RFFL: variants seen among roughly 807,000 people sequenced by gnomAD.
RFFL encodes E3 ubiquitin-protein ligase rififylin.
Under a neutral mutation model 40.4 loss-of-function variants are expected in RFFL, and 16 were observed. The observed-to-expected ratio is 0.40, with a 90% CI of 0.27 to 0.60. The LOEUF (loss-of-function observed/expected upper bound fraction) is 0.60, where lower values mean the gene tolerates loss of function less well. RFFL is among the 20% of genes least tolerant of loss of function. The pLI, the probability that RFFL is intolerant of heterozygous loss-of-function variation, is 0.47. For missense variants in RFFL, 367 were observed against 451.7 expected (o/e 0.81, Z 1.70); for synonymous variants, 154 against 167.9 (o/e 0.92, Z 0.64).
intron 1 of RFFL, among the ~76,000 whole-genome samples, chr17:35,040,634 A>C (rs1035162327): frequency 2.0e-5 from 3 of 151,698 alleles, no homozygotes; most frequent in Non-Finnish European, 4.4e-5. Context: ...AAAATAAAAA[A>C]TACTTTTCTT....
At chr17:35,019,943 CAG>C (rs1337037237) in intron 3 of RFFL, among the ~76,000 whole-genome samples, 1 of 152,200 alleles carries the variant, frequency 6.6e-6, no homozygotes, top group South Asian at 2.1e-4. Flanking sequence ...AGAGCTGAAT[CAG>C]GGGGCCCAGT....
chr17:35,069,388 C>T, intron 1 of RFFL: 1 of 455,348 alleles, frequency 2.2e-6, no homozygotes, highest in East Asian at 7.0e-5. Flanking sequence ...TACCTGTTCA[C>T]CTACAGTTAA....
intron 1 of RFFL, among the ~76,000 whole-genome samples, chr17:35,040,266 T>A (rs2091155039): frequency 1.3e-5 from 2 of 152,270 alleles, no homozygotes; most frequent in South Asian, 4.2e-4. Flanking sequence ...GTGTCCAGGC[T>A]GTCTTAGGCC....
intron 1 of RFFL, among the ~76,000 whole-genome samples, chr17:35,075,983 ATTC>A (rs1305009235): frequency 4.5e-4 from 56 of 124,726 alleles, no homozygotes; most frequent in African/African-American, 1.8e-3. Context: ...CTATCAATTT[ATTC>A]TTTTTTTTTT....
rs117478856 is a variant in RFFL, at chr17:35,026,419, T to C, written c.135A>G (p.Pro45=). The part of the protein sequence containing the change: ...SSFPSPTGLE[P]SCKSCGAHFA... ...AGTGAGCCCCACAGGACTTGCAGCT[T>C]GGTTCCAAGCCTGTTGGGGAAGGGA... The change falls in exon 2 of 7, where the codon CCA becomes CCG. Residue 45 remains proline, a synonymous_variant. Coordinates refer to ENST00000394597, the MANE Select transcript of RFFL (RefSeq NM_001017368.2). The C allele has an allele frequency of 6.6e-5, 106 of 1,613,962 alleles. 1 individual carries two copies. In the East Asian group the frequency reaches 1.2e-3, roughly 19 times the overall value.
intron 2 of RFFL, among the ~76,000 whole-genome samples, chr17:35,022,390 G>C (rs1009926469): frequency 5.3e-5 from 8 of 152,192 alleles, no homozygotes; most frequent in Non-Finnish European, 1.2e-4. Flanking sequence ...AGGTTATGGT[G>C]GTGGTGGTTG....
intron 2 of RFFL, 144 bp from the exon 3 acceptor site, chr17:35,021,925 G>T: frequency 2.6e-6 from 2 of 777,824 alleles, no homozygotes; most frequent in South Asian, 1.8e-5. Context: ...ATATCTAAGG[G>T]TGCAAGCCAC....
chr17:35,067,768 T>C (rs1318725473), upstream of RFFL, among the ~76,000 whole-genome samples: 1 of 152,188 alleles, frequency 6.6e-6, no homozygotes, highest in Non-Finnish European at 1.5e-5. Context: ...CAAGCAATTC[T>C]GATACAGATG....
chr17:35,017,429 AT>A, intron 4 of RFFL, 93 bp downstream of exon 4: 1 of 815,178 alleles, frequency 1.2e-6, no homozygotes, highest in Non-Finnish European at 2.1e-6. Context: ...ATCATCACAC[AT>A]TTATTCTCTC....
intron 1 of RFFL, among the ~76,000 whole-genome samples, chr17:35,027,508 G>A (rs768523170): frequency 1.3e-4 from 20 of 150,420 alleles, no homozygotes; most frequent in Non-Finnish European, 2.5e-4. Context: ...GTGGATCACC[G>A]GAGGTCGGGA....
At chr17:35,036,071 C>T (rs1028588832) in intron 1 of RFFL, among the ~76,000 whole-genome samples, 4 of 152,128 alleles carry the variant, frequency 2.6e-5, no homozygotes, top group Non-Finnish European at 5.9e-5. Flanking sequence ...TACTCTCCTG[C>T]CAAACTGGAA....
rs1320123194 is a variant in RFFL, at chr17:35,050,365, C to T, written c.-9+13211G>A. Reference sequence around the variant, plus strand: ...TGAGGCCAGGAGTTTGAGACCAGCTCGCAGCCTGGGCAACATAGCAAGACC... The same window carrying T: ...TGAGGCCAGGAGTTTGAGACCAGCTTGCAGCCTGGGCAACATAGCAAGACC... On this transcript the variant is annotated intron_variant, in intron 1 of 6. Transcript: ENST00000394597. 2.0e-5 allele frequency among the ~76,000 whole-genome samples: 3 copies of T among 152,078 alleles called. No individual in the cohort carries two copies. The East Asian group carries it at 5.8e-4, about 29-fold the overall frequency.
Position 35,007,515 on chromosome 17 carries a change from T to A in RFFL, c.*4453A>T, listed in dbSNP as rs2090903468. The A allele has an allele frequency of 6.6e-6, 1 of 152,138 alleles. No individual in the cohort carries two copies. Among genetic ancestry groups the A allele is most frequent in the Non-Finnish European group, 1.5e-5 (1 of 68,040 alleles). The allele number at this position is 152,138 out of a possible 1,614,324, so 9.4% of individuals were successfully genotyped here. A position where few individuals can be genotyped will look rare whatever the true frequency, so the allele number is the denominator to read the frequency against. On this transcript the variant is annotated 3_prime_UTR_variant, in exon 7 of 7. Transcript: ENST00000394597. ...ATCACTGGGTGCTGAACAGGTCAGC[T>A]CCCTAGGGCAATGTGAGCAAAGTGT...
chr17:35,045,504 G>A (rs2091193853), intron 1 of RFFL, among the ~76,000 whole-genome samples: 1 of 150,614 alleles, frequency 6.6e-6, no homozygotes, highest in Admixed American at 6.6e-5. Flanking sequence ...AAAGTTCTAG[G>A]ATTACAGGCA....
rs76729628 is a variant in RFFL at position 35,038,579 on chromosome 17, A to T, written c.-8-12018T>A. ...GGTAGAATTATGATATGTTCACAGAACAATGAGAAAAAACAAACAACTGAT... is the reference window on the plus strand; with the variant it reads ...GGTAGAATTATGATATGTTCACAGATCAATGAGAAAAAACAAACAACTGAT... On this transcript the variant is annotated intron_variant, in intron 1 of 6. Transcript: ENST00000394597. 5.6e-4 allele frequency among the ~76,000 whole-genome samples: 86 copies of T among 152,372 alleles called. No homozygotes were observed. The East Asian group carries it at 0.016, about 28-fold the overall frequency.
At chr17:35,088,527 T>TC (rs2091442252) in intron 1 of RFFL, among the ~76,000 whole-genome samples, 1 of 152,254 alleles carries the variant, frequency 6.6e-6, no homozygotes, top group Admixed American at 6.5e-5. Context: ...TCCCTCTCGG[T>TC]CTTGACCGCT....
At chr17:35,055,994 A>G (rs1277180378) in intron 1 of RFFL, among the ~76,000 whole-genome samples, 2 of 151,872 alleles carry the variant, frequency 1.3e-5, no homozygotes, top group Non-Finnish European at 2.9e-5. Flanking sequence ...ACCACCCAAC[A>G]ATCTCCACAT....
chr17:35,026,804 C>G (rs984602985), intron 1 of RFFL, among the ~76,000 whole-genome samples: 1 of 152,168 alleles, frequency 6.6e-6, no homozygotes, highest in Admixed American at 6.5e-5. Context: ...CTCCTGGGTT[C>G]AAGCGATTCT....
intron 1 of RFFL, among the ~76,000 whole-genome samples, chr17:35,029,684 A>C (rs1301289061): frequency 6.6e-6 from 1 of 151,006 alleles, no homozygotes; most frequent in Non-Finnish European, 1.5e-5. Context: ...CACCTGGCTA[A>C]TTTTTTATTT....
Sources: gnomAD v4.1 joint callset for allele counts (sites outside exome capture counted in the v4.1 genomes callset) on GRCh38, gnomAD v4.1.1 for gene constraint, MANE v1.5 for transcripts, NCBI Gene and HGNC (gene_info 2026-07-23, HGNC 2026-07-21) for gene names.